NFIA: variants seen among roughly 807,000 people sequenced by gnomAD.
NFIA encodes nuclear factor 1 A-type.
NFIA carries 8 observed loss-of-function variants against 62.8 expected under a neutral mutation model. That is an observed-to-expected ratio of 0.13 (90% CI 0.07 to 0.23). The LOEUF is 0.23. Ranked by LOEUF, NFIA falls within the 10% of genes least tolerant of loss-of-function variation. The pLI is 1.00. For missense variants in NFIA, 410 were observed against 642.1 expected, an observed-to-expected ratio of 0.64 and a Z score of 3.91; for synonymous variants, 235 against 238.1, an observed-to-expected ratio of 0.99 and a Z score of 0.12.
chr1:61,121,570 A>G (rs1331114935), intron 2 of NFIA, among the ~76,000 whole-genome samples: 1 of 152,198 alleles, frequency 6.6e-6, no homozygotes, highest in Non-Finnish European at 1.5e-5. Context: ...GAAATGGTAA[A>G]TATACATTCA....
chr1:61,229,576 T>C (rs1019743641), intron 2 of NFIA, among the ~76,000 whole-genome samples: 4 of 152,196 alleles, frequency 2.6e-5, no homozygotes, highest in African/African-American at 9.6e-5. Context: ...GGTTCATTTA[T>C]TGAATGCCTA....
At chr1:61,087,275 T>C (rs1341263330) in intron 1 of NFIA, among the ~76,000 whole-genome samples, 1 of 152,090 alleles carries the variant, frequency 6.6e-6, no homozygotes, top group African/African-American at 2.4e-5. Context: ...TGAAATAGTA[T>C]TTGCAAAAAT....
At chr1:61,400,728 C>T (rs1435216261) in intron 7 of NFIA, among the ~76,000 whole-genome samples, 1 of 152,142 alleles carries the variant, frequency 6.6e-6, no homozygotes, top group African/African-American at 2.4e-5. Context: ...TAGCATCATG[C>T]CAAATTCATA....
At chr1:61,220,799 T>G (rs1025484930) in intron 2 of NFIA, among the ~76,000 whole-genome samples, 1 of 152,218 alleles carries the variant, frequency 6.6e-6, no homozygotes, top group African/African-American at 2.4e-5. Context: ...ACAATAATCA[T>G]GCGGTATGAA....
intron 3 of NFIA, among the ~76,000 whole-genome samples, chr1:61,278,076 A>C (rs1451756956): frequency 2.6e-5 from 4 of 152,200 alleles, no homozygotes; most frequent in African/African-American, 9.6e-5. Context: ...CTATGCTTTG[A>C]AGGATTTTTC....
At chr1:61,121,488 T>G (rs981646196) in intron 2 of NFIA, among the ~76,000 whole-genome samples, 2 of 152,184 alleles carry the variant, frequency 1.3e-5, no homozygotes. Context: ...ATTTTTGCCC[T>G]GGAATTAATT....
At chr1:61,178,065 C>T (rs181703793) in intron 2 of NFIA, among the ~76,000 whole-genome samples, 2 of 152,240 alleles carry the variant, frequency 1.3e-5, no homozygotes, top group Non-Finnish European at 2.9e-5. Flanking sequence ...TTGCCCACTT[C>T]CCCTAGATCG....
At chr1:61,304,102 C>T (rs1480466957) in intron 3 of NFIA, among the ~76,000 whole-genome samples, 3 of 152,008 alleles carry the variant, frequency 2.0e-5, no homozygotes, top group Non-Finnish European at 4.4e-5. Flanking sequence ...ATGATGAAAC[C>T]CCGTGTCTAC....
intron 9 of NFIA, among the ~76,000 whole-genome samples, chr1:61,407,504 G>A (rs751561494): frequency 2.0e-4 from 31 of 152,208 alleles, no homozygotes; most frequent in Non-Finnish European, 8.8e-5. Flanking sequence ...GAAATAGTTT[G>A]AATGCACAAA....
At chr1:61,108,754 C>G (rs1371620110) in intron 2 of NFIA, among the ~76,000 whole-genome samples, 2 of 151,574 alleles carry the variant, frequency 1.3e-5, no homozygotes, top group Non-Finnish European at 3.0e-5. Flanking sequence ...AGGACAAGAC[C>G]TGACCTAGTT....
chr1:61,315,466 T>C (rs1415993238), intron 3 of NFIA, among the ~76,000 whole-genome samples: 1 of 152,220 alleles, frequency 6.6e-6, no homozygotes, highest in African/African-American at 2.4e-5. Flanking sequence ...ATCGATTTTC[T>C]GATGTTAGAG....
chr1:61,186,912 A>G (rs962646629), intron 2 of NFIA, among the ~76,000 whole-genome samples: 1 of 152,238 alleles, frequency 6.6e-6, no homozygotes, highest in African/African-American at 2.4e-5. Context: ...CAGTGCTGGG[A>G]TCTCGTACAT....
At position 61,271,474 on chromosome 1, in the gene NFIA, G is replaced by A. The variant is rs546548040; in HGVS notation, c.560-6046G>A. The stretch of plus-strand genomic sequence containing the variant: ...AAAGAAAAGTTTTGAGAAAGAAAAT[G>A]GTAGTAACCTAGATTATGTAACAGT... On this transcript the variant is annotated intron_variant, in intron 2 of 10. Coordinates refer to ENST00000403491, the MANE Select transcript of NFIA (RefSeq NM_001134673.4). Among the ~76,000 whole-genome samples the A allele has an allele frequency of 3.9e-5, 6 of 152,340 alleles. No homozygotes were observed. In the South Asian group the frequency reaches 6.2e-4, roughly 16 times the overall value.
At chr1:61,247,399 G>C (rs1655716564) in intron 2 of NFIA, among the ~76,000 whole-genome samples, 1 of 152,208 alleles carries the variant, frequency 6.6e-6, no homozygotes, top group African/African-American at 2.4e-5. Flanking sequence ...TTCGTATAGG[G>C]AGCAGTATCT....
chr1:61,232,592 T>C (rs971928660), intron 2 of NFIA, among the ~76,000 whole-genome samples: 9 of 152,208 alleles, frequency 5.9e-5, no homozygotes, highest in African/African-American at 2.2e-4. Context: ...TGTAAAAGTT[T>C]TTATTGGCAC....
At chr1:61,108,895 T>C (rs1646649029) in intron 2 of NFIA, among the ~76,000 whole-genome samples, 1 of 151,926 alleles carries the variant, frequency 6.6e-6, no homozygotes, top group South Asian at 2.1e-4. Context: ...GGGTAAATAG[T>C]GTTTTTAAAG....
At chr1:61,291,287 T>C (rs1453060585) in intron 3 of NFIA, among the ~76,000 whole-genome samples, 2 of 152,192 alleles carry the variant, frequency 1.3e-5, no homozygotes, top group African/African-American at 2.4e-5. Context: ...GTGAGGCCGA[T>C]GTGGAAAGCA....
At chr1:61,301,784 T>C (rs1659509018) in intron 3 of NFIA, among the ~76,000 whole-genome samples, 1 of 152,154 alleles carries the variant, frequency 6.6e-6, no homozygotes, top group Non-Finnish European at 1.5e-5. Context: ...ATGATTGACA[T>C]CAGATTCTTC....
chr1:61,260,612 G>A (rs1335866362), intron 2 of NFIA, among the ~76,000 whole-genome samples: 4 of 152,044 alleles, frequency 2.6e-5, no homozygotes, highest in Non-Finnish European at 1.5e-5. Context: ...ACGGAGTCTC[G>A]CTCTGTCGCC....
Sources: allele counts gnomAD v4.1 joint callset (sites outside exome capture counted in the v4.1 genomes callset), GRCh38; gene constraint gnomAD v4.1.1; transcripts MANE v1.5; gene names NCBI Gene and HGNC (gene_info 2026-07-23, HGNC 2026-07-21).